DAB2IP: variants seen among roughly 807,000 people sequenced by gnomAD.
DAB2IP encodes disabled homolog 2-interacting protein.
DAB2IP carries 28 observed loss-of-function variants against 107.2 expected under a neutral mutation model. The observed-to-expected ratio is 0.26, with a 90% confidence interval of 0.19 to 0.36. DAB2IP has a LOEUF of 0.36. Ranked by LOEUF, DAB2IP falls within the 10% of genes least tolerant of loss-of-function variation. The pLI is 1.00. For missense variants in DAB2IP, 1,400 were observed against 1,644.7 expected (o/e 0.85, Z 2.57); for synonymous variants, 755 against 706.4 (o/e 1.07, Z -1.09).
intron 3 of DAB2IP, among the ~76,000 whole-genome samples, chr9:121,740,012 C>T (rs558425018): frequency 2.4e-4 from 36 of 152,222 alleles, no homozygotes; most frequent in Admixed American, 6.5e-4. Context: ...ACATGAAGGC[C>T]TTTGGTGTCC....
chr9:121,669,514 G>A (rs192960071), intron 1 of DAB2IP, among the ~76,000 whole-genome samples: 12 of 152,288 alleles, frequency 7.9e-5, no homozygotes, highest in East Asian at 5.8e-4. Flanking sequence ...GGTTTTGGTT[G>A]GGTGACTTGG....
chr9:121,652,016 A>C, intron 1 of DAB2IP, 117 bp downstream of exon 1: 3 of 939,688 alleles, frequency 3.2e-6, no homozygotes, highest in Non-Finnish European at 4.2e-6. Context: ...GGGTTTCCTC[A>C]TCCGCCCCTT....
intron 3 of DAB2IP, among the ~76,000 whole-genome samples, chr9:121,708,693 A>G (rs1830178366): frequency 1.3e-5 from 2 of 152,210 alleles, no homozygotes; most frequent in Non-Finnish European, 2.9e-5. Context: ...GGTTCAGGGA[A>G]GTGTACCCAT....
At chr9:121,586,594 G>C (rs1830318551) in intron 1 of DAB2IP, among the ~76,000 whole-genome samples, 1 of 152,118 alleles carries the variant, frequency 6.6e-6, no homozygotes, top group Admixed American at 6.5e-5. Context: ...GAGGCAGGCA[G>C]ATTACTTGAG....
Position 121,599,995 on chromosome 9 carries a change from C to G in DAB2IP, c.40+32767C>G, listed in dbSNP as rs1166329103. ...TGAGCCTTTAAACTTTCCTGTGCGC[C>G]CTGCCCAGATCTCGACCGCCGGGAC... On this transcript the variant is annotated intron_variant, in intron 1 of 16. Coordinates refer to the DAB2IP transcript ENST00000259371. This position sits in a 1 kb window ranked among gnomAD's most constrained non-coding sequence, Gnocchi z 6.9. 6.6e-6 allele frequency among the ~76,000 whole-genome samples: 1 copy of G among 152,130 alleles called. No homozygotes were observed. The highest frequency in any genetic ancestry group is 1.5e-5 in the Non-Finnish European group (1 of 68,022).
chr9:121,588,872 C>G (rs1472516058), intron 1 of DAB2IP, among the ~76,000 whole-genome samples: 2 of 151,870 alleles, frequency 1.3e-5, no homozygotes, highest in African/African-American at 2.4e-5. Flanking sequence ...CCCCCAAGAG[C>G]TAAGCACTGA....
intron 1 of DAB2IP, among the ~76,000 whole-genome samples, chr9:121,612,293 C>G (rs552495436): frequency 6.6e-6 from 1 of 151,970 alleles, no homozygotes; most frequent in African/African-American, 2.4e-5. Flanking sequence ...TACCACTGCA[C>G]TCCCACTTTG....
intron 3 of DAB2IP, among the ~76,000 whole-genome samples, chr9:121,729,676 A>G (rs1831415932): frequency 6.6e-6 from 1 of 152,210 alleles, no homozygotes; most frequent in Non-Finnish European, 1.5e-5. Context: ...CAGAGATAGT[A>G]TATGGATGGC....
chr9:121,592,901 G>A (rs771433318), intron 1 of DAB2IP, among the ~76,000 whole-genome samples: 6 of 152,130 alleles, frequency 3.9e-5, no homozygotes, highest in South Asian at 2.1e-4. Flanking sequence ...GTGCCAGAGC[G>A]GATGGGCAGA....
At chr9:121,661,218 AG>A (rs1352887929) in intron 1 of DAB2IP, among the ~76,000 whole-genome samples, 4 of 151,522 alleles carry the variant, frequency 2.6e-5, no homozygotes, top group African/African-American at 9.8e-5. Context: ...AAGGCGAGAA[AG>A]GTGCTGGAGC....
intron 1 of DAB2IP, among the ~76,000 whole-genome samples, chr9:121,676,035 G>A (rs991651760): frequency 1.3e-5 from 2 of 152,228 alleles, no homozygotes; most frequent in Non-Finnish European, 2.9e-5. Flanking sequence ...AAGAGACGGC[G>A]CCAGGCTGAG....
chr9:121,757,321 C>A (rs564047053), intron 4 of DAB2IP, among the ~76,000 whole-genome samples, 155 bp downstream of exon 4: 65 of 149,716 alleles, frequency 4.3e-4, no homozygotes, highest in African/African-American at 1.6e-3. Flanking sequence ...GCTTTCAGCT[C>A]CTAAGAGACC....
At chr9:121,716,300 A>G (rs1325444870) in intron 3 of DAB2IP, among the ~76,000 whole-genome samples, 3 of 152,230 alleles carry the variant, frequency 2.0e-5, no homozygotes, top group Non-Finnish European at 4.4e-5. Context: ...ATAGGGCCAC[A>G]TGTAAGGCAG....
At chr9:121,631,619 C>A (rs976478174) in intron 1 of DAB2IP, among the ~76,000 whole-genome samples, 3 of 151,998 alleles carry the variant, frequency 2.0e-5, no homozygotes, top group African/African-American at 7.2e-5. Context: ...AGATCGAGAC[C>A]ATCCTGGCCC....
chr9:121,782,539 C>T lies in DAB2IP; in HGVS notation c.*41C>T. The stretch of plus-strand genomic sequence containing the variant: ...AGGAAGCTACCCAAGGAGAGGGGGA[C>T]TATGGTGGCCAAGGGCAGGGTCTCG... On this transcript the variant is annotated 3_prime_UTR_variant, in exon 16 of 16. Coordinates refer to ENST00000408936, the Ensembl canonical transcript of DAB2IP. This position sits in a 1 kb window ranked among gnomAD's most constrained non-coding sequence, Gnocchi z 6.1. The T allele has an allele frequency of 1.2e-6, 2 of 1,601,064 alleles. No homozygotes were observed. Among genetic ancestry groups the T allele is most frequent in the Non-Finnish European group, 1.7e-6 (2 of 1,170,758 alleles).
At chr9:121,779,644 C>G (rs1302676163) in intron 14 of DAB2IP, among the ~76,000 whole-genome samples, 1 of 152,226 alleles carries the variant, frequency 6.6e-6, no homozygotes, top group African/African-American at 2.4e-5. Flanking sequence ...GTTTCCTTCC[C>G]CGGGTCCTCT....
intron 3 of DAB2IP, among the ~76,000 whole-genome samples, chr9:121,723,581 C>T (rs781564833): frequency 6.6e-6 from 1 of 152,248 alleles, no homozygotes; most frequent in Non-Finnish European, 1.5e-5. Context: ...GAACTCTCCC[C>T]ACCCTGGTTT....
chr9:121,613,482 G>T (rs1235760684), intron 1 of DAB2IP, among the ~76,000 whole-genome samples: 4 of 152,134 alleles, frequency 2.6e-5, no homozygotes, highest in Non-Finnish European at 5.9e-5. Context: ...GCAGGAAGTG[G>T]CCCGGTGCCT....
At chr9:121,724,495 T>G (rs1195340661) in intron 3 of DAB2IP, among the ~76,000 whole-genome samples, 1 of 152,230 alleles carries the variant, frequency 6.6e-6, no homozygotes, top group Non-Finnish European at 1.5e-5. Flanking sequence ...AGCTGTTGAG[T>G]TCACCTGATG....
Sources: gnomAD v4.1 joint callset for allele counts (sites outside exome capture counted in the v4.1 genomes callset) on GRCh38, gnomAD v4.1.1 for gene constraint, Gnocchi (gnomAD v3.1) non-coding constraint, MANE v1.5 for transcripts, NCBI Gene and HGNC (gene_info 2026-07-23, HGNC 2026-07-21) for gene names.